Variants in GATB observed in about 807,000 individuals in gnomAD.
GATB encodes glutamyl-tRNA(Gln) amidotransferase subunit B, mitochondrial.
A neutral mutation model predicts 62.3 loss-of-function variants in GATB; 39 were observed. The observed-to-expected ratio is 0.63, with a 90% CI of 0.48 to 0.82. The LOEUF is 0.82. Ranked by LOEUF, GATB falls within the 40% of genes least tolerant of loss-of-function variation. The pLI, the probability that GATB is intolerant of heterozygous loss-of-function variation, is 0.00. For synonymous variants in GATB, 276 were observed against 258.9 expected (o/e 1.07, Z -0.63); for missense variants, 670 against 684.0 (o/e 0.98, Z 0.23).
chr4:151,735,857 T>C (rs1030378176), intron 2 of GATB, among the ~76,000 whole-genome samples: 4 of 150,964 alleles, frequency 2.6e-5, no homozygotes, highest in South Asian at 2.1e-4. Flanking sequence ...ACAATGGACT[T>C]TGGGGACTCG....
chr4:151,688,535 G>T, intron 10 of GATB, 95 bp downstream of exon 10: 1 of 1,227,164 alleles, frequency 8.1e-7, no homozygotes, highest in Non-Finnish European at 1.1e-6. Context: ...TCCTGAGGGA[G>T]AACAGCAGGA....
At chr4:151,699,148 G>A (rs1738549394) in intron 9 of GATB, among the ~76,000 whole-genome samples, 1 of 152,146 alleles carries the variant, frequency 6.6e-6, no homozygotes, top group African/African-American at 2.4e-5. Context: ...CCAGCACTTT[G>A]GGAGGCAGAG....
At chr4:151,697,622 A>G (rs1468746342) in intron 9 of GATB, among the ~76,000 whole-genome samples, 1 of 150,422 alleles carries the variant, frequency 6.6e-6, no homozygotes, top group Non-Finnish European at 1.5e-5. Context: ...ATATTATAAT[A>G]AATTTTATAA....
chr4:151,699,333 G>A (rs1012502261), intron 9 of GATB, among the ~76,000 whole-genome samples: 5 of 150,238 alleles, frequency 3.3e-5, no homozygotes, highest in Non-Finnish European at 5.9e-5. Flanking sequence ...AGGTTGCAGT[G>A]AGCTGAGATC....
chr4:151,729,983 T>A (rs996999463), intron 2 of GATB, among the ~76,000 whole-genome samples: 2 of 152,138 alleles, frequency 1.3e-5, no homozygotes, highest in African/African-American at 4.8e-5. Flanking sequence ...CTGAGAAAAC[T>A]GCTCCTACAG....
At chr4:151,733,550 G>T (rs182154157) in intron 2 of GATB, among the ~76,000 whole-genome samples, 1 of 152,112 alleles carries the variant, frequency 6.6e-6, no homozygotes, top group African/African-American at 2.4e-5. Flanking sequence ...CAAAGAATTG[G>T]TATCAATCCT....
chr4:151,719,318 G>T (rs1738979637), intron 3 of GATB, 107 bp downstream of exon 3: 1 of 768,988 alleles, frequency 1.3e-6, no homozygotes, highest in Non-Finnish European at 2.2e-6. Context: ...CACAGTGCTG[G>T]CTGAAAACAT....
At chr4:151,715,397 T>C (rs1323238103) in intron 5 of GATB, among the ~76,000 whole-genome samples, 1 of 152,158 alleles carries the variant, frequency 6.6e-6, no homozygotes, top group Non-Finnish European at 1.5e-5. Context: ...GGAAATTGAG[T>C]GTGACCAAAA....
At chr4:151,757,535 C>T (rs766459307) in intron 2 of GATB, among the ~76,000 whole-genome samples, 3 of 144,032 alleles carry the variant, frequency 2.1e-5, no homozygotes, top group Non-Finnish European at 4.5e-5. Context: ...TGCAGTGGCG[C>T]GATCTCAGCT....
rs113872699 is a variant in GATB at position 151,742,279 on chromosome 4, G to A, written c.327+16493C>T. Among the ~76,000 whole-genome samples, 6 of 152,058 alleles carry A rather than the reference G, an allele frequency of 3.9e-5. No individual in the cohort carries two copies. The East Asian group carries it at 5.8e-4, about 15-fold the overall frequency. On this transcript the variant is annotated intron_variant, in intron 2 of 12. Transcript: ENST00000263985. ...AATTTCTTGTATTTTTAGTAGAGAC[G>A]GCATTTCACCGTGTTAACCAGGATG...
chr4:151,751,880 A>AT (rs1739727957), intron 2 of GATB, among the ~76,000 whole-genome samples: 2 of 151,774 alleles, frequency 1.3e-5, no homozygotes, highest in South Asian at 2.1e-4. Flanking sequence ...CCCTACTCTC[A>AT]TTTTTTCCTA....
chr4:151,704,787 C>T (rs912084828), intron 7 of GATB, among the ~76,000 whole-genome samples: 4 of 151,080 alleles, frequency 2.6e-5, no homozygotes, highest in Non-Finnish European at 4.4e-5. Flanking sequence ...CTCGCTCTGT[C>T]GCCCAGGCTG....
Position 151,760,955 on chromosome 4 carries a change from AG to A in GATB, c.27del (p.Cys10AlafsTer58), listed in dbSNP as rs749510186. MAAPMLRW[G>X]CRGRRWAFAR... Reference sequence around the variant, plus strand: ...GCGAAAGCCCAACGTCTTCCACGGCAGCCCCAGCGCAGCATGGGCGCCGCCA... The same window carrying A: ...GCGAAAGCCCAACGTCTTCCACGGCACCCCAGCGCAGCATGGGCGCCGCCA... On this transcript the variant is annotated frameshift_variant, in exon 1 of 13. Coordinates refer to ENST00000263985, the MANE Select transcript of GATB (RefSeq NM_004564.3). LOFTEE classifies it high-confidence loss of function. The A allele has an allele frequency of 1.9e-6, 3 of 1,613,128 alleles. No individual in the cohort carries two copies. Among genetic ancestry groups the A allele is most frequent in the South Asian group, 2.2e-5 (2 of 90,908 alleles).
intron 9 of GATB, among the ~76,000 whole-genome samples, chr4:151,696,071 G>A: frequency 6.6e-6 from 1 of 151,412 alleles, no homozygotes; most frequent in South Asian, 2.1e-4. Flanking sequence ...GTGAGTCACC[G>A]TGCCTGGAAC....
chr4:151,684,442 G>C (rs149672761), intron 10 of GATB, among the ~76,000 whole-genome samples: 1 of 152,330 alleles, frequency 6.6e-6, no homozygotes, highest in East Asian at 1.9e-4. Context: ...TCTTCTGAGA[G>C]GTCTTTAAAG....
chr4:151,672,922 A>G, intron 11 of GATB, 26 bp from the exon 12 acceptor site: 1 of 1,612,470 alleles, frequency 6.2e-7, no homozygotes, highest in Non-Finnish European at 8.5e-7. Flanking sequence ...GGGAGAGGAA[A>G]GAGAAATGAG....
At chr4:151,672,154 T>C (rs1350884787) in intron 12 of GATB, among the ~76,000 whole-genome samples, 1 of 152,074 alleles carries the variant, frequency 6.6e-6, no homozygotes, top group East Asian at 1.9e-4. Flanking sequence ...ACTGAAAAAA[T>C]ATCTCTAGAC....
At chr4:151,688,495 C>T (rs1738296687) in intron 10 of GATB, 135 bp downstream of exon 10, 2 of 789,196 alleles carry the variant, frequency 2.5e-6, no homozygotes, top group Admixed American at 5.1e-5. Context: ...ATGTGGAGTC[C>T]ACAGGGGATG....
At chr4:151,699,151 A>G (rs1206502579) in intron 9 of GATB, among the ~76,000 whole-genome samples, 1 of 152,156 alleles carries the variant, frequency 6.6e-6, no homozygotes, top group East Asian at 1.9e-4. Context: ...GCACTTTGGG[A>G]GGCAGAGGCA....
Sources: gnomAD v4.1 joint callset for allele counts (sites outside exome capture counted in the v4.1 genomes callset) on GRCh38, gnomAD v4.1.1 for gene constraint, MANE v1.5 for transcripts, NCBI Gene and HGNC (gene_info 2026-07-23, HGNC 2026-07-21) for gene names.